The following VPS13D variants were observed in gnomAD, a reference collection of about 807,000 sequenced individuals.
The protein encoded by VPS13D is intermembrane lipid transfer protein VPS13D.
A neutral mutation model predicts 461.9 loss-of-function variants in VPS13D; 187 were observed. The ratio of observed to expected loss-of-function variants is 0.40; its 90% CI spans 0.36 to 0.46. The LOEUF is 0.46. Among genes scored for constraint, VPS13D ranks in the 20% least tolerant of loss-of-function variants. The pLI is 0.60. For synonymous variants in VPS13D, 1,951 were observed against 1,986.3 expected (o/e 0.98, Z 0.47); for missense variants, 4,711 against 5,364.9 (o/e 0.88, Z 3.81).
At chr1:12,482,670 T>C (rs1358492198) in intron 67 of VPS13D, among the ~76,000 whole-genome samples, 1 of 151,626 alleles carries the variant, frequency 6.6e-6, no homozygotes, top group East Asian at 2.0e-4. Context: ...TCCCTGGGCA[T>C]TGACAAGCAA....
chr1:12,250,187 C>T (rs762756258), intron 6 of VPS13D, among the ~76,000 whole-genome samples: 3 of 152,250 alleles, frequency 2.0e-5, no homozygotes, highest in Non-Finnish European at 4.4e-5. Flanking sequence ...CCTGGAAGCT[C>T]AGCAGATCTC....
chr1:12,378,916 G>A (rs574685182), intron 56 of VPS13D, among the ~76,000 whole-genome samples: 6 of 152,222 alleles, frequency 3.9e-5, no homozygotes, highest in South Asian at 4.1e-4. Context: ...TAATAACTTT[G>A]TCAAATCCTT....
Position 12,254,907 on chromosome 1 carries a change from G to A in VPS13D, c.669+1081G>A, listed in dbSNP as rs112170143. 1.8e-3 allele frequency among the ~76,000 whole-genome samples: 280 copies of A among 151,840 alleles called. 1 individual carries two copies. The highest frequency in any genetic ancestry group is 6.2e-3 in the African/African-American group (258 of 41,416). On this transcript the variant is annotated intron_variant, in intron 7 of 69. Transcript: ENST00000620676. ...TAACTCATTTTTTTCCTCCACCCAG[G>A]GTTATCTTTCACTTGGATACTATTG...
Position 12,511,860 on chromosome 1 carries a change from T to G in VPS13D, c.*2836T>G, listed in dbSNP as rs1426941878. On this transcript the variant is annotated 3_prime_UTR_variant, in exon 70 of 70. Coordinates refer to ENST00000620676, the MANE Select transcript of VPS13D (RefSeq NM_015378.4). This position sits in a 1 kb window ranked among gnomAD's most constrained non-coding sequence, Gnocchi z 4.5. ...TGTTCTGAAGGCTCCAGGGCCACTT[T>G]GTTTGTAAGTATGATCTGGGCCTCA... The G allele has an allele frequency of 6.6e-6, 1 of 152,212 alleles. No homozygotes were observed. Among genetic ancestry groups the G allele is most frequent in the Non-Finnish European group, 1.5e-5 (1 of 68,054 alleles). The allele number at this position is 152,212 out of a possible 1,614,324, so 9.4% of individuals were successfully genotyped here. A position where few individuals can be genotyped will look rare whatever the true frequency, so the allele number is the denominator to read the frequency against.
chr1:12,375,862 CCA>C (rs1223417490), intron 55 of VPS13D, among the ~76,000 whole-genome samples: 1 of 152,158 alleles, frequency 6.6e-6, no homozygotes, highest in Non-Finnish European at 1.5e-5. Flanking sequence ...CCCATCCCCA[CCA>C]CACACACAAG....
chr1:12,347,421 C>T (rs555922219), intron 44 of VPS13D, among the ~76,000 whole-genome samples: 111 of 152,246 alleles, frequency 7.3e-4, no homozygotes, highest in African/African-American at 2.5e-3. Flanking sequence ...CTGCCTGCCT[C>T]GGCCTCCCAG....
Position 12,497,510 on chromosome 1 carries a change from CAG to C in VPS13D, c.12676_12677del (p.Arg4226GlyfsTer19). ...ATLSGPRTQA[Q>X]RVRKPRCCTG... is the part of the protein sequence containing the mutation. ...CATTTACCCATCTAGGACTCAAGCA[CAG>C]AGGGTTCGGAAACCGCGTTGCTGCA... On this transcript the variant is annotated frameshift_variant, in exon 68 of 70. Coordinates refer to ENST00000620676, the MANE Select transcript of VPS13D (RefSeq NM_015378.4). LOFTEE classifies it high-confidence loss of function. The C allele has an allele frequency of 6.2e-7, 1 of 1,613,902 alleles. No homozygotes were observed. The highest frequency in any genetic ancestry group is 8.5e-7 in the Non-Finnish European group (1 of 1,179,866).
intron 23 of VPS13D, among the ~76,000 whole-genome samples, chr1:12,291,329 A>G (rs930354242): frequency 1.3e-5 from 2 of 152,208 alleles, no homozygotes; most frequent in Non-Finnish European, 2.9e-5. Flanking sequence ...TTAAAGCTTC[A>G]TAAACAGATG....
At chr1:12,353,763 G>A (rs1163397290) in intron 46 of VPS13D, among the ~76,000 whole-genome samples, 1 of 152,046 alleles carries the variant, frequency 6.6e-6, no homozygotes, top group African/African-American at 2.4e-5. Context: ...ATAGAGGTGT[G>A]TATAATTGTC....
At position 12,283,512 on chromosome 1, in the gene VPS13D, A is replaced by G. The variant is rs373885430; in HGVS notation, c.5410A>G (p.Asn1804Asp). 9.3e-6 allele frequency: 15 copies of G among 1,614,130 alleles called. No homozygotes were observed. Among genetic ancestry groups the G allele is most frequent in the Non-Finnish European group, 1.1e-5 (13 of 1,180,044 alleles). ...ACATCCAGAATTCTCTTCCAGTTAC[A>G]ATCGAGTTAACCGGAGCATTGATGT... ...KKHPEFSSSY[N>D]RVNRSIDVDF... Residue 1804 changes from asparagine to aspartate, a missense_variant, in exon 21 of 70, where the codon AAT (asparagine) becomes GAT (aspartate). By Grantham distance (23) the Asn-to-Asp change is conservative. Transcript: ENST00000620676.
chr1:12,345,647 G>T lies in VPS13D; in HGVS notation c.9021+138G>T, dbSNP rs1384144042. On this transcript the variant is annotated intron_variant, in intron 43 of 69. Coordinates refer to ENST00000620676, the MANE Select transcript of VPS13D (RefSeq NM_015378.4). ...CTAGGACTGACTGGGTCAGTCATAGGCATTGGTAATCAATATGTAGATAAG... is the reference window on the plus strand; with the variant it reads ...CTAGGACTGACTGGGTCAGTCATAGTCATTGGTAATCAATATGTAGATAAG... 6.7e-6 allele frequency: 8 copies of T among 1,201,510 alleles called. No homozygotes were observed. The African/African-American group carries it at 1.2e-4, about 18-fold the overall frequency. The allele number at this position is 1,201,510 out of a possible 1,614,324, so 74.4% of individuals were successfully genotyped here.
chr1:12,277,398 G>A lies in VPS13D; in HGVS notation c.3810G>A (p.Leu1270=). 1 of 1,614,146 alleles carries A rather than the reference G, an allele frequency of 6.2e-7. No individual in the cohort carries two copies. The highest frequency in any genetic ancestry group is 8.5e-7 in the Non-Finnish European group (1 of 1,180,030). ...RMEDAALTEA[L]SFTFVERSKQ... ...AAGATGCAGCCCTCACTGAAGCTTT[G>A]AGTTTCACGTTTGTTGAGAGATCTA... The change falls in exon 19 of 70, where the codon TTG becomes TTA. Residue 1270 remains leucine, a synonymous_variant. Coordinates refer to ENST00000620676, the MANE Select transcript of VPS13D (RefSeq NM_015378.4).
intron 63 of VPS13D, among the ~76,000 whole-genome samples, chr1:12,408,317 A>AAG (rs138830414): frequency 5.7e-4 from 83 of 146,338 alleles, no homozygotes; most frequent in East Asian, 1.6e-3. Flanking sequence ...ATTTATACCA[A>AAG]AGAGAGAGAG....
intron 2 of VPS13D, among the ~76,000 whole-genome samples, chr1:12,240,608 A>G (rs1640317704): frequency 6.6e-6 from 1 of 151,188 alleles, no homozygotes; most frequent in South Asian, 2.1e-4. Context: ...AAAAAAAAAA[A>G]AAAAAAAAAA....
At chr1:12,485,532 A>G (rs1473041589) in intron 67 of VPS13D, among the ~76,000 whole-genome samples, 2 of 152,254 alleles carry the variant, frequency 1.3e-5, no homozygotes. Flanking sequence ...TTAATGTGAC[A>G]CAGATGTGGG....
chr1:12,381,537 G>A (rs1202306363), intron 57 of VPS13D, among the ~76,000 whole-genome samples: 1 of 152,156 alleles, frequency 6.6e-6, no homozygotes, highest in Non-Finnish European at 1.5e-5. Flanking sequence ...GAATCCCTGT[G>A]GACCAACTGT....
chr1:12,390,460 G>A (rs1205135145), intron 60 of VPS13D, among the ~76,000 whole-genome samples: 1 of 152,178 alleles, frequency 6.6e-6, no homozygotes, highest in African/African-American at 2.4e-5. Flanking sequence ...CACTTCTTTA[G>A]CCGTAAGGTG....
Position 12,304,691 on chromosome 1 carries a change from A to G in VPS13D, c.6402A>G (p.Gln2134=), listed in dbSNP as rs748948641. ...CCTCCACCAAGCAGCAAGGGCCGCA[A>G]CCCACACTGTCTGTTGGCCAAGAGT... ...PSTSTKQQGP[Q]PTLSVGQESS... Residue 2134 remains glutamine, a synonymous_variant, in exon 26 of 70, where the codon CAA becomes CAG. Coordinates refer to ENST00000620676, the MANE Select transcript of VPS13D (RefSeq NM_015378.4). 31 of 1,613,976 alleles carry G rather than the reference A, an allele frequency of 1.9e-5. 2 individuals are homozygous for G. The South Asian group carries it at 2.6e-4, about 14-fold the overall frequency.
chr1:12,432,431 A>G (rs976060527), intron 65 of VPS13D, among the ~76,000 whole-genome samples: 1 of 151,222 alleles, frequency 6.6e-6, no homozygotes, highest in African/African-American at 2.4e-5. Context: ...AAACATCTTT[A>G]GTACTGGTTC....
Sources: gnomAD v4.1 joint callset for allele counts (sites outside exome capture counted in the v4.1 genomes callset) on GRCh38, gnomAD v4.1.1 for gene constraint, Gnocchi (gnomAD v3.1) non-coding constraint, MANE v1.5 for transcripts, NCBI Gene and HGNC (gene_info 2026-07-23, HGNC 2026-07-21) for gene names.